The following SH3PXD2B variants were observed in gnomAD, a reference collection of about 807,000 sequenced individuals.
The protein encoded by SH3PXD2B is SH3 and PX domains 2B.
A neutral mutation model predicts 73.1 loss-of-function variants in SH3PXD2B; 37 were observed. The ratio of observed to expected loss-of-function variants is 0.51; its 90% CI spans 0.39 to 0.67. SH3PXD2B has a LOEUF of 0.67. SH3PXD2B is among the 30% of genes least tolerant of loss of function. SH3PXD2B has a pLI of 0.00. For missense variants in SH3PXD2B, 1,053 were observed against 1,197.8 expected (o/e 0.88, Z 1.78); for synonymous variants, 457 against 480.5 (o/e 0.95, Z 0.64).
intron 1 of SH3PXD2B, among the ~76,000 whole-genome samples, chr5:172,443,195 T>C (rs1759586457): frequency 6.6e-6 from 1 of 152,202 alleles, no homozygotes; most frequent in Non-Finnish European, 1.5e-5. Flanking sequence ...GTAAGGAGTA[T>C]AGATGCTCTC....
chr5:172,430,203 GCA>G (rs1759201132), intron 1 of SH3PXD2B, among the ~76,000 whole-genome samples: 4 of 152,230 alleles, frequency 2.6e-5, no homozygotes, highest in Non-Finnish European at 1.5e-5. Flanking sequence ...ATCATTGTGA[GCA>G]GAAGGTCACA....
intron 11 of SH3PXD2B, 135 bp downstream of exon 11, chr5:172,347,148 G>A: frequency 2.3e-6 from 2 of 887,404 alleles, no homozygotes; most frequent in East Asian, 2.6e-5. Flanking sequence ...CATTTCTACA[G>A]CCTGCTTCAC....
rs766518117 is a variant in SH3PXD2B at position 172,333,793 on chromosome 5, T to C, written c.*4576A>G. ...TCCTGGAGGGAGGTAAGAAATGGCC[T>C]GTTACTTGGAAGCTCCCCAAAGCAG... On this transcript the variant is annotated 3_prime_UTR_variant, in exon 13 of 13. Coordinates refer to ENST00000311601, the MANE Select transcript of SH3PXD2B (RefSeq NM_001017995.3). 2.6e-5 allele frequency: 33 copies of C among 1,288,868 alleles called. No individual in the cohort carries two copies. The African/African-American group carries it at 4.3e-4, about 17-fold the overall frequency. The allele number at this position is 1,288,868 out of a possible 1,614,324, so 79.8% of individuals were successfully genotyped here. A position where few individuals can be genotyped will look rare whatever the true frequency, so the allele number is the denominator to read the frequency against.
chr5:172,398,016 G>A (rs140630920), intron 3 of SH3PXD2B, among the ~76,000 whole-genome samples: 239 of 152,296 alleles, frequency 1.6e-3, no homozygotes, highest in African/African-American at 5.5e-3. Context: ...AGCAGTGGCC[G>A]CTCTCTAAAG....
In SH3PXD2B at chr5:172,336,449, G is replaced by C. The variant is rs1756692855; in HGVS notation, c.*1920C>G. ...CAAGCCTCTCTGGGAAATGGGATTT[G>C]CAGGCCGACTGGACGAAGGCACTAA... On this transcript the variant is annotated 3_prime_UTR_variant, in exon 13 of 13. Coordinates refer to ENST00000311601, the MANE Select transcript of SH3PXD2B (RefSeq NM_001017995.3). The C allele has an allele frequency of 2.0e-6, 2 of 986,040 alleles. No homozygotes were observed. Among genetic ancestry groups the C allele is most frequent in the South Asian group, 4.7e-5 (1 of 21,288 alleles). The allele number at this position is 986,040 out of a possible 1,614,324, so 61.1% of individuals were successfully genotyped here.
intron 4 of SH3PXD2B, among the ~76,000 whole-genome samples, chr5:172,392,137 CT>C (rs1258421131): frequency 1.3e-5 from 2 of 151,996 alleles, no homozygotes; most frequent in Admixed American, 6.6e-5. Flanking sequence ...CCCCAAGCCC[CT>C]AGAATATGAA....
At position 172,358,826 on chromosome 5, in the gene SH3PXD2B, C is replaced by A; in HGVS notation, c.614G>T (p.Cys205Phe). 1 of 1,614,076 alleles carries A rather than the reference C, an allele frequency of 6.2e-7. No homozygotes were observed. The highest frequency in any genetic ancestry group is 1.1e-5 in the South Asian group (1 of 91,050). Residue 205 changes from cysteine (C) to phenylalanine (F), a missense_variant, in exon 8 of 13, where the codon TGC becomes TTC. Cys to Phe is a radical substitution (Grantham distance 205). Coordinates refer to ENST00000311601, the MANE Select transcript of SH3PXD2B (RefSeq NM_001017995.3). ...AEEQGWVPAT[C>F]LEGQDGVQDE... ...CTGCACCCCATCCTGGCCTTCGAGGCACGTTGCAGGGACCCAGCCTTGCTC... is the reference window on the plus strand; with the variant it reads ...CTGCACCCCATCCTGGCCTTCGAGGAACGTTGCAGGGACCCAGCCTTGCTC...
intron 7 of SH3PXD2B, among the ~76,000 whole-genome samples, chr5:172,359,228 A>C (rs1365116754): frequency 2.0e-5 from 3 of 151,762 alleles, no homozygotes; most frequent in Non-Finnish European, 4.4e-5. Context: ...CTGTACGAAA[A>C]ATTTAAAAAT....
At chr5:172,348,653 TC>T (rs11349661) in intron 10 of SH3PXD2B, among the ~76,000 whole-genome samples, 73,127 of 121,828 alleles carry the variant, frequency 0.6, 19,177 homozygotes, top group East Asian at 0.71. Flanking sequence ...TATCTATCTA[TC>T]CTATCTATCT....
chr5:172,393,010 C>A (rs189614096), intron 4 of SH3PXD2B, among the ~76,000 whole-genome samples: 1 of 152,102 alleles, frequency 6.6e-6, no homozygotes, highest in Non-Finnish European at 1.5e-5. Flanking sequence ...GCTCATCTAA[C>A]GTTGTTCTTT....
chr5:172,401,758 C>G (rs1260328930), intron 3 of SH3PXD2B, among the ~76,000 whole-genome samples: 1 of 152,142 alleles, frequency 6.6e-6, no homozygotes, highest in Non-Finnish European at 1.5e-5. Flanking sequence ...TCTGAACATA[C>G]AGAACAACAA....
Position 172,335,314 on chromosome 5 carries a change from GC to G in SH3PXD2B, c.*3054del. 8.5e-7 allele frequency: 1 copy of G among 1,174,156 alleles called. No individual in the cohort carries two copies. Among genetic ancestry groups the G allele is most frequent in the African/African-American group, 1.6e-5 (1 of 63,276 alleles). 72.7% of individuals were successfully genotyped at this position (1,174,156 alleles called of 1,614,324 possible). A position where few individuals can be genotyped will look rare whatever the true frequency, so the allele number is the denominator to read the frequency against. On this transcript the variant is annotated 3_prime_UTR_variant, in exon 13 of 13. Coordinates refer to ENST00000311601, the MANE Select transcript of SH3PXD2B (RefSeq NM_001017995.3). ...ACCTACTGAAATGTGTGAGCAAGGG[GC>G]GGGGGGAAGAGGCACCGAAATTCAG...
At chr5:172,387,153 T>G (rs954374251) in intron 4 of SH3PXD2B, among the ~76,000 whole-genome samples, 1 of 152,226 alleles carries the variant, frequency 6.6e-6, no homozygotes, top group African/African-American at 2.4e-5. Context: ...TACTGTTATG[T>G]TGCCCATAGT....
At chr5:172,366,918 C>T (rs1004155854) in intron 6 of SH3PXD2B, among the ~76,000 whole-genome samples, 2 of 141,926 alleles carry the variant, frequency 1.4e-5, no homozygotes, top group African/African-American at 2.6e-5. Context: ...AGGTGTGAGC[C>T]ATCGTGCCCG....
intron 12 of SH3PXD2B, among the ~76,000 whole-genome samples, chr5:172,327,151 C>T (rs531729789): frequency 2.1e-4 from 32 of 152,238 alleles, no homozygotes; most frequent in African/African-American, 6.3e-4. Context: ...TGAACCACCG[C>T]GCCTGGCCTG....
rs769797550 is a variant in SH3PXD2B, at chr5:172,422,457, C to T, written c.115G>A (p.Glu39Lys). 21 of 1,612,480 alleles carry T rather than the reference C, an allele frequency of 1.3e-5. No individual in the cohort carries two copies. The highest frequency in any genetic ancestry group is 5.0e-5 in the Admixed American group (3 of 59,888). ...TTGCTGTAGCGCCGGTAAATGGCCT[C>T]GGTGGAGCCGCTGGACCACGTGACC... ...IRVTWSSGST[E>K]AIYRRYSKFF... Residue 39 changes from glutamate (E) to lysine (K), a missense_variant, in exon 2 of 13, where the codon GAG (glutamate) becomes AAG (lysine). By Grantham distance (56) the Glu-to-Lys change is moderately conservative. Transcript: ENST00000311601.
chr5:172,384,453 A>G (rs1581296164), intron 4 of SH3PXD2B, among the ~76,000 whole-genome samples: 1 of 152,172 alleles, frequency 6.6e-6, no homozygotes, highest in African/African-American at 2.4e-5. Flanking sequence ...CAGCACCGCC[A>G]TCCATCCACA....
Position 172,353,004 on chromosome 5 carries a change from T to G in SH3PXD2B, c.785+884A>C, listed in dbSNP as rs1174706248. ...TTCTGTGTACCAAAGTCCCCATGCA[T>G]CCCTCCAACATGGCCAACCCTCTGC... On this transcript the variant is annotated intron_variant, in intron 9 of 12. Transcript: ENST00000311601. This position sits in a 1 kb window ranked among gnomAD's most constrained non-coding sequence, Gnocchi z 4.3. 6.6e-6 allele frequency among the ~76,000 whole-genome samples: 1 copy of G among 152,082 alleles called. No individual in the cohort carries two copies. Among genetic ancestry groups the G allele is most frequent in the Non-Finnish European group, 1.5e-5 (1 of 68,012 alleles).
chr5:172,416,649 T>TA (rs748088969), intron 2 of SH3PXD2B, among the ~76,000 whole-genome samples: 3 of 123,020 alleles, frequency 2.4e-5, no homozygotes, highest in Non-Finnish European at 3.4e-5. Flanking sequence ...TTTTTTTTTT[T>TA]AAAAAGGACC....
Sources: gnomAD v4.1 joint callset for allele counts (sites outside exome capture counted in the v4.1 genomes callset) on GRCh38, gnomAD v4.1.1 for gene constraint, Gnocchi (gnomAD v3.1) non-coding constraint, MANE v1.5 for transcripts, NCBI Gene and HGNC (gene_info 2026-07-23, HGNC 2026-07-21) for gene names.